RBM47: variants seen among roughly 807,000 people sequenced by gnomAD.
RBM47 encodes the protein RNA-binding protein 47.
In RBM47, 21 loss-of-function variants were observed where a neutral mutation model predicts 47.1. The observed-to-expected ratio is 0.45, with a 90% CI of 0.32 to 0.64. RBM47 has a LOEUF of 0.64. RBM47 is among the 30% of genes least tolerant of loss of function. The pLI is 0.05. For missense variants in RBM47, 708 were observed against 870.9 expected (o/e 0.81, Z 2.35); for synonymous variants, 375 against 361.7 (o/e 1.04, Z -0.42).
chr4:40,600,240 T>C lies in RBM47; in HGVS notation c.-240+29156A>G, dbSNP rs1735124292. Among the ~76,000 whole-genome samples, 5 of 151,744 alleles carry C rather than the reference T, an allele frequency of 3.3e-5. No individual in the cohort carries two copies. The South Asian group carries it at 8.3e-4, about 25-fold the overall frequency. ...GGTGACCAGGCTGGTCTGGAATGTG[T>C]GGTCTCAAACAATCCTCCTGTCTCT... On this transcript the variant is annotated intron_variant, in intron 1 of 6. Transcript: ENST00000295971.
intron 2 of RBM47, among the ~76,000 whole-genome samples, chr4:40,503,601 G>A (rs1213451273): frequency 6.6e-6 from 1 of 152,126 alleles, no homozygotes; most frequent in African/African-American, 2.4e-5. Context: ...TCATTGTCTT[G>A]TAGATTTGCC....
At chr4:40,511,516 T>C (rs1355946513) in intron 2 of RBM47, among the ~76,000 whole-genome samples, 1 of 152,216 alleles carries the variant, frequency 6.6e-6, no homozygotes, top group East Asian at 1.9e-4. Flanking sequence ...GAGTCTAAAA[T>C]GCCAGAAACG....
chr4:40,556,012 C>A (rs1203765447), intron 1 of RBM47, among the ~76,000 whole-genome samples: 1 of 151,756 alleles, frequency 6.6e-6, no homozygotes, highest in Non-Finnish European at 1.5e-5. Context: ...CTGAAGCCAA[C>A]CTGCTAAAGA....
intron 1 of RBM47, among the ~76,000 whole-genome samples, chr4:40,547,638 C>T (rs17587298): frequency 0.057 from 8,696 of 152,212 alleles, 417 homozygotes; most frequent in East Asian, 0.21. Flanking sequence ...CCAGATGAGT[C>T]GCAGATGAGT....
chr4:40,523,590 G>A lies in RBM47; in HGVS notation c.-155+20832C>T, dbSNP rs143887960. ...TGCTTGAACCCAGGAGGCAGAGGTT[G>A]CAGTGAGCTGAGATCACGCCATTGC... is the stretch of plus-strand genomic sequence containing the variant. On this transcript the variant is annotated intron_variant, in intron 2 of 6. Coordinates refer to ENST00000295971, the MANE Select transcript of RBM47 (RefSeq NM_001098634.2). 3.9e-3 allele frequency among the ~76,000 whole-genome samples: 597 copies of A among 152,120 alleles called. 4 individuals are homozygous for A. The highest frequency in any genetic ancestry group is 0.02 in the South Asian group (96 of 4,826).
chr4:40,587,639 T>G (rs1273558157), intron 1 of RBM47, among the ~76,000 whole-genome samples: 2 of 152,118 alleles, frequency 1.3e-5, no homozygotes, highest in Non-Finnish European at 2.9e-5. Flanking sequence ...AACCTTTACT[T>G]AAAAGGGAAA....
intron 1 of RBM47, among the ~76,000 whole-genome samples, chr4:40,551,708 G>C (rs1317124746): frequency 6.6e-6 from 1 of 151,150 alleles, no homozygotes; most frequent in Non-Finnish European, 1.5e-5. Context: ...GAGTGCAGTG[G>C]TGGGATCTCG....
intron 3 of RBM47, among the ~76,000 whole-genome samples, chr4:40,462,263 A>G (rs1490720017): frequency 6.6e-6 from 1 of 152,256 alleles, no homozygotes; most frequent in East Asian, 1.9e-4. Context: ...ATAAAACAGA[A>G]CTAGGACAAC....
chr4:40,613,456 C>G (rs1736420693), intron 1 of RBM47, among the ~76,000 whole-genome samples: 1 of 152,102 alleles, frequency 6.6e-6, no homozygotes, highest in African/African-American at 2.4e-5. Flanking sequence ...ACTGAATCCA[C>G]AAGAAAGGGA....
At chr4:40,447,497 T>C (rs1714709959) in intron 3 of RBM47, among the ~76,000 whole-genome samples, 1 of 152,246 alleles carries the variant, frequency 6.6e-6, no homozygotes, top group Non-Finnish European at 1.5e-5. Flanking sequence ...GGGCAAAGGA[T>C]ACCAGTGTAC....
At chr4:40,566,743 T>C (rs1731144824) in intron 1 of RBM47, among the ~76,000 whole-genome samples, 1 of 152,042 alleles carries the variant, frequency 6.6e-6, no homozygotes. Context: ...GCTCAGTTTC[T>C]TCATTTGTAC....
intron 2 of RBM47, among the ~76,000 whole-genome samples, chr4:40,505,442 C>T (rs936537840): frequency 2.8e-5 from 4 of 145,326 alleles, no homozygotes; most frequent in African/African-American, 7.7e-5. Flanking sequence ...TGCCATCGCA[C>T]TCCAGCCTGG....
chr4:40,520,848 C>A (rs1430723934), intron 2 of RBM47, among the ~76,000 whole-genome samples: 1 of 152,184 alleles, frequency 6.6e-6, no homozygotes, highest in African/African-American at 2.4e-5. Context: ...TCTACACTGT[C>A]CGGTGCTGCC....
rs201408070 is a variant in RBM47 at position 40,486,069 on chromosome 4, CAAA to C, written c.-154-19373_-154-19371del. Among the ~76,000 whole-genome samples, 369 of 62,760 alleles carry C rather than the reference CAAA, an allele frequency of 5.9e-3. 1 individual carries two copies. The highest frequency in any genetic ancestry group is 0.017 in the African/African-American group (342 of 20,142). The allele number at this position is 62,760 out of a possible 152,430, so 41.2% of individuals were successfully genotyped here. ...TGGACAACAGAGCAAAACCCTGTTT[CAAA>C]AAAAAAAAAAAAAAAAAAAAAAAAA... On this transcript the variant is annotated intron_variant, in intron 2 of 6. Coordinates refer to ENST00000295971, the MANE Select transcript of RBM47 (RefSeq NM_001098634.2).
chr4:40,510,476 G>A (rs1724782387), intron 2 of RBM47, among the ~76,000 whole-genome samples: 1 of 152,072 alleles, frequency 6.6e-6, no homozygotes, highest in Admixed American at 6.6e-5. Flanking sequence ...ATGACCTAAG[G>A]GAACTTAATA....
intron 1 of RBM47, among the ~76,000 whole-genome samples, chr4:40,590,451 C>T (rs1734028144): frequency 6.6e-6 from 1 of 152,050 alleles, no homozygotes; most frequent in Admixed American, 6.6e-5. Flanking sequence ...CACAGAAGAG[C>T]AAGCAAACAT....
At chr4:40,621,007 CAAA>C (rs11297434) in intron 1 of RBM47, among the ~76,000 whole-genome samples, 1 of 143,988 alleles carries the variant, frequency 6.9e-6, no homozygotes, top group African/African-American at 2.5e-5. Context: ...AGGAAACAAA[CAAA>C]AAAAAAAAAC....
At chr4:40,579,257 C>T (rs1732638576) in intron 1 of RBM47, among the ~76,000 whole-genome samples, 1 of 151,418 alleles carries the variant, frequency 6.6e-6, no homozygotes, top group East Asian at 1.9e-4. Context: ...CCCATCTCTA[C>T]TAAAAATACA....
intron 1 of RBM47, among the ~76,000 whole-genome samples, chr4:40,606,751 T>A (rs1735791346): frequency 6.6e-6 from 1 of 152,140 alleles, no homozygotes; most frequent in Admixed American, 6.6e-5. Flanking sequence ...GGACTTGAAA[T>A]GTGCATGGCA....
Sources: allele counts gnomAD v4.1 joint callset (sites outside exome capture counted in the v4.1 genomes callset), GRCh38; gene constraint gnomAD v4.1.1; transcripts MANE v1.5; gene names NCBI Gene and HGNC (gene_info 2026-07-23, HGNC 2026-07-21).